Variants in ZBTB7C observed in about 807,000 individuals in gnomAD.
ZBTB7C encodes zinc finger and BTB domain containing 7C.
ZBTB7C carries 8 observed loss-of-function variants against 25.7 expected under a neutral mutation model. The ratio of observed to expected loss-of-function variants is 0.31; its 90% CI spans 0.18 to 0.56. ZBTB7C has a LOEUF of 0.56. Ranked by LOEUF, ZBTB7C falls within the 20% of genes least tolerant of loss-of-function variation. ZBTB7C has a pLI of 0.91. For missense variants in ZBTB7C, 824 were observed against 855.2 expected (o/e 0.96, Z 0.46); for synonymous variants, 394 against 369.0 (o/e 1.07, Z -0.78).
intron 2 of ZBTB7C, among the ~76,000 whole-genome samples, chr18:48,322,055 A>G (rs2046108641): frequency 6.6e-6 from 1 of 152,146 alleles, no homozygotes; most frequent in Non-Finnish European, 1.5e-5. Flanking sequence ...TTCTATCTCC[A>G]GGCCTCCATC....
chr18:48,329,451 G>T (rs980261698), intron 2 of ZBTB7C, among the ~76,000 whole-genome samples: 3 of 152,190 alleles, frequency 2.0e-5, no homozygotes, highest in Admixed American at 6.5e-5. Flanking sequence ...CTGCTGAGGG[G>T]CTGCAGAAGG....
At chr18:48,338,625 G>A (rs1035192166) in intron 1 of ZBTB7C, among the ~76,000 whole-genome samples, 17 of 151,896 alleles carry the variant, frequency 1.1e-4, no homozygotes, top group African/African-American at 4.1e-4. Flanking sequence ...GCACACACAT[G>A]CACACACACG....
chr18:48,044,071 C>A (rs1288089630), intron 3 of ZBTB7C, among the ~76,000 whole-genome samples: 1 of 152,206 alleles, frequency 6.6e-6, no homozygotes, highest in Non-Finnish European at 1.5e-5. Context: ...TAGGCAGCCC[C>A]ACCAAGGTGC....
At chr18:48,406,803 T>C (rs1193877276) in intron 1 of ZBTB7C, among the ~76,000 whole-genome samples, 4 of 152,262 alleles carry the variant, frequency 2.6e-5, no homozygotes, top group Non-Finnish European at 1.5e-5. Context: ...GCATCCAGCT[T>C]ATTTTCATAA....
intron 3 of ZBTB7C, chr18:48,164,996 T>A (rs2041194618): frequency 8.5e-7 from 1 of 1,172,606 alleles, no homozygotes; most frequent in African/African-American, 1.6e-5. Context: ...CAGGGTTATA[T>A]TACTTCTTAG....
intron 2 of ZBTB7C, among the ~76,000 whole-genome samples, chr18:48,299,688 A>C (rs1157500520): frequency 6.6e-6 from 1 of 152,216 alleles, no homozygotes; most frequent in Non-Finnish European, 1.5e-5. Flanking sequence ...AGCCAGGGGA[A>C]AGGGAGGATG....
intron 1 of ZBTB7C, among the ~76,000 whole-genome samples, chr18:48,368,424 A>G (rs1189999304): frequency 6.6e-6 from 1 of 152,186 alleles, no homozygotes; most frequent in Non-Finnish European, 1.5e-5. Context: ...AAAATAGACT[A>G]GGGGAAATAA....
At chr18:48,102,454 A>G (rs1257022639) in intron 3 of ZBTB7C, among the ~76,000 whole-genome samples, 1 of 151,500 alleles carries the variant, frequency 6.6e-6, no homozygotes, top group African/African-American at 2.4e-5. Context: ...AGTTCTAGCT[A>G]CTCAAAAGGC....
At chr18:48,352,853 C>T (rs2046895761) in intron 1 of ZBTB7C, among the ~76,000 whole-genome samples, 1 of 152,104 alleles carries the variant, frequency 6.6e-6, no homozygotes, top group Admixed American at 6.5e-5. Flanking sequence ...ACAGTGTTCA[C>T]TGTGTTGGGA....
At chr18:48,140,863 C>T (rs1009492426) in intron 3 of ZBTB7C, among the ~76,000 whole-genome samples, 3 of 152,290 alleles carry the variant, frequency 2.0e-5, no homozygotes, top group South Asian at 2.1e-4. Flanking sequence ...AACCTGCCCT[C>T]TTCCTGCCAC....
chr18:48,221,993 C>T (rs1353887809), intron 2 of ZBTB7C, among the ~76,000 whole-genome samples: 1 of 152,056 alleles, frequency 6.6e-6, no homozygotes, highest in Non-Finnish European at 1.5e-5. Context: ...CTCCTCTATA[C>T]TGTCCTAGTC....
In ZBTB7C at chr18:48,029,285, G is replaced by T; in HGVS notation, c.1835C>A (p.Ala612Asp). 6.5e-7 allele frequency: 1 copy of T among 1,538,242 alleles called. No individual in the cohort carries two copies. Among genetic ancestry groups the T allele is most frequent in the Non-Finnish European group, 8.7e-7 (1 of 1,148,700 alleles). The change falls in exon 5 of 5, where the codon GCC (alanine) becomes GAC (aspartate). Residue 612 changes from alanine (A) to aspartate (D), a missense_variant. Physicochemically the swap from Ala to Asp is moderately radical, Grantham distance 126. Transcript: ENST00000590800. The part of the protein sequence containing the change: ...LPGLAGLNHV[A>D]SMSEANN ...CTAGTTGTTGGCTTCGGACATGGAG[G>T]CCACGTGGTTGAGGCCGGCGAGCCC... is the stretch of plus-strand genomic sequence containing the variant.
At chr18:48,089,604 G>A (rs184676283) in intron 3 of ZBTB7C, among the ~76,000 whole-genome samples, 76 of 151,940 alleles carry the variant, frequency 5.0e-4, no homozygotes, top group African/African-American at 1.8e-3. Context: ...TACGCACACC[G>A]CTCACATGGG....
intron 2 of ZBTB7C, among the ~76,000 whole-genome samples, chr18:48,275,968 A>G (rs1450959994): frequency 6.6e-6 from 1 of 152,210 alleles, no homozygotes; most frequent in Admixed American, 6.5e-5. Context: ...CATCGAAGGC[A>G]TGGGATCCTG....
chr18:48,040,470 G>C lies in ZBTB7C; in HGVS notation c.638C>G (p.Ala213Gly). ...TPRDFPDSFQ[A>G]GSPGHLGVIR... ...CACCCCCAGATGGCCAGGACTGCCAGCCTGGAAGGAGTCAGGGAAGTCCCT... is the reference window on the plus strand; with the variant it reads ...CACCCCCAGATGGCCAGGACTGCCACCCTGGAAGGAGTCAGGGAAGTCCCT... The change falls in exon 4 of 5, where the codon GCT becomes GGT. Residue 213 changes from alanine (A) to glycine (G), a missense_variant. Physicochemically the swap from Ala to Gly is moderately conservative, Grantham distance 60. This residue lies in a region of ZBTB7C where 316 missense variants were observed against 299.2 expected (regional missense o/e 1.06). Transcript: ENST00000590800. 1 of 1,609,210 alleles carries C rather than the reference G, an allele frequency of 6.2e-7. No individual in the cohort carries two copies. Among genetic ancestry groups the C allele is most frequent in the Non-Finnish European group, 8.5e-7 (1 of 1,177,276 alleles).
chr18:48,229,545 G>T (rs1459485161), intron 2 of ZBTB7C, among the ~76,000 whole-genome samples: 2 of 151,944 alleles, frequency 1.3e-5, no homozygotes, highest in Non-Finnish European at 2.9e-5. Context: ...CCTAAAAGAG[G>T]GTATGAAAAA....
intron 3 of ZBTB7C, among the ~76,000 whole-genome samples, chr18:48,049,565 C>A (rs2036604977): frequency 1.3e-5 from 2 of 152,260 alleles, no homozygotes; most frequent in Admixed American, 1.3e-4. Flanking sequence ...GTGGGATGGC[C>A]CCAGCCCTCT....
intron 1 of ZBTB7C, among the ~76,000 whole-genome samples, chr18:48,361,016 AG>A (rs1160301640): frequency 6.6e-6 from 1 of 151,938 alleles, no homozygotes; most frequent in African/African-American, 2.4e-5. Context: ...ATGCCAGTGG[AG>A]GGAGATGGAA....
intron 3 of ZBTB7C, among the ~76,000 whole-genome samples, chr18:48,136,655 G>A (rs1278451230): frequency 6.6e-6 from 1 of 152,216 alleles, no homozygotes. Flanking sequence ...TCGCCCCAAA[G>A]GAGCCCGCTG....
Sources: gnomAD v4.1 joint callset for allele counts (sites outside exome capture counted in the v4.1 genomes callset) on GRCh38, gnomAD v4.1.1 for gene constraint, gnomAD v4.1.1 regional missense constraint, MANE v1.5 for transcripts, NCBI Gene and HGNC (gene_info 2026-07-23, HGNC 2026-07-21) for gene names.